Variants in AHCYL2 observed in about 807,000 individuals in gnomAD.
The protein encoded by AHCYL2 is S-adenosylhomocysteine hydrolase-like protein 2.
In AHCYL2, 28 loss-of-function variants were observed where a neutral mutation model predicts 81.4. The observed-to-expected ratio is 0.34, with a 90% CI of 0.25 to 0.47. AHCYL2 has a LOEUF of 0.47. Ranked by LOEUF, AHCYL2 falls within the 20% of genes least tolerant of loss-of-function variation. The probability of loss-of-function intolerance (pLI) is 1.00; values close to 1 mark genes in which losing one functional copy is unlikely to be tolerated. For missense variants in AHCYL2, 551 were observed against 785.1 expected, an observed-to-expected ratio of 0.70 and a Z score of 3.56; for synonymous variants, 272 against 290.2, an observed-to-expected ratio of 0.94 and a Z score of 0.64.
At chr7:129,403,259 A>G (rs1308467095) in intron 6 of AHCYL2, 120 bp from the exon 7 acceptor site, 3 of 589,744 alleles carry the variant, frequency 5.1e-6, no homozygotes, top group Non-Finnish European at 8.8e-6. Flanking sequence ...TTGCATAACC[A>G]TATGGGAAAT....
chr7:129,420,533 G>T (rs1024530474), intron 12 of AHCYL2, among the ~76,000 whole-genome samples: 2 of 145,222 alleles, frequency 1.4e-5, no homozygotes, highest in Non-Finnish European at 3.0e-5. Flanking sequence ...AGACTGGAGT[G>T]CAGTGGCACA....
At chr7:129,400,782 C>G (rs1209604295) in intron 6 of AHCYL2, among the ~76,000 whole-genome samples, 1 of 152,048 alleles carries the variant, frequency 6.6e-6, no homozygotes, top group Non-Finnish European at 1.5e-5. Flanking sequence ...TTAGCCTTCT[C>G]TCTAGAATCC....
In AHCYL2 at chr7:129,427,154, C is replaced by T; in HGVS notation, c.*109C>T. The T allele has an allele frequency of 8.9e-7, 1 of 1,120,818 alleles. No homozygotes were observed. Among genetic ancestry groups the T allele is most frequent in the African/African-American group, 1.6e-5 (1 of 63,876 alleles). The allele number at this position is 1,120,818 out of a possible 1,614,324, so 69.4% of individuals were successfully genotyped here. A position where few individuals can be genotyped will look rare whatever the true frequency, so the allele number is the denominator to read the frequency against. ...CTGCTTCTCCAATCAAAGCTGCCTG[C>T]CGTGCTCACCCTGTGTGTTAGGTTA... On this transcript the variant is annotated 3_prime_UTR_variant, in exon 17 of 17. Coordinates refer to ENST00000325006, the MANE Select transcript of AHCYL2 (RefSeq NM_015328.4). The surrounding 1 kb of genome is among the most constrained non-coding windows in gnomAD (Gnocchi z 5.5).
At chr7:129,401,224 G>A (rs931781171) in intron 6 of AHCYL2, among the ~76,000 whole-genome samples, 1 of 152,028 alleles carries the variant, frequency 6.6e-6, no homozygotes, top group Non-Finnish European at 1.5e-5. Flanking sequence ...TAGGAGGCTG[G>A]GACTCCTAAG....
At chr7:129,280,002 A>C (rs1796374088) in intron 1 of AHCYL2, among the ~76,000 whole-genome samples, 1 of 152,102 alleles carries the variant, frequency 6.6e-6, no homozygotes, top group Non-Finnish European at 1.5e-5. Flanking sequence ...CCTGTGACTA[A>C]GAATGCCTAG....
At chr7:129,229,618 G>C (rs761238408) in intron 1 of AHCYL2, among the ~76,000 whole-genome samples, 6 of 152,176 alleles carry the variant, frequency 3.9e-5, no homozygotes, top group Non-Finnish European at 8.8e-5. Flanking sequence ...TTCTCCCAGA[G>C]GTCTTTTAGA....
chr7:129,409,099 A>AC (rs1554495611), intron 10 of AHCYL2, among the ~76,000 whole-genome samples: 2,032 of 151,678 alleles, frequency 0.013, 43 homozygotes, highest in African/African-American at 0.047. Flanking sequence ...AAAAAAAAAA[A>AC]ACACACACAG....
At chr7:129,411,018 G>T (rs1030590457) in intron 11 of AHCYL2, among the ~76,000 whole-genome samples, 2 of 151,564 alleles carry the variant, frequency 1.3e-5, no homozygotes, top group Non-Finnish European at 2.9e-5. Flanking sequence ...TCCCACCTCT[G>T]CTTCCCAAAG....
chr7:129,231,332 A>G (rs1254670597), intron 1 of AHCYL2, among the ~76,000 whole-genome samples: 1 of 152,192 alleles, frequency 6.6e-6, no homozygotes, highest in East Asian at 1.9e-4. Context: ...TACTACTACT[A>G]GTACTACCTA....
intron 1 of AHCYL2, among the ~76,000 whole-genome samples, chr7:129,353,158 G>A: frequency 6.6e-6 from 1 of 151,978 alleles, no homozygotes. Context: ...GTGTTGGCCA[G>A]GCTGGTCTCG....
Position 129,379,765 on chromosome 7 carries a change from C to G in AHCYL2, c.475+16C>G. The stretch of plus-strand genomic sequence containing the variant: ...TACAGCTCAGGTGAGTACTGAACTG[C>G]TGTGGACCCAGCTGTTGAGGCTAAT... On this transcript the variant is annotated intron_variant, in intron 2 of 16. Coordinates refer to ENST00000325006, the MANE Select transcript of AHCYL2 (RefSeq NM_015328.4). The G allele has an allele frequency of 6.3e-7, 1 of 1,596,018 alleles. No individual in the cohort carries two copies. Among genetic ancestry groups the G allele is most frequent in the Non-Finnish European group, 8.6e-7 (1 of 1,166,854 alleles).
chr7:129,244,907 G>C (rs1794992346), intron 1 of AHCYL2, among the ~76,000 whole-genome samples: 2 of 151,988 alleles, frequency 1.3e-5, no homozygotes. Flanking sequence ...TTGATATTTT[G>C]GTTGGGCAAG....
chr7:129,362,963 G>C (rs1451807471), intron 1 of AHCYL2, among the ~76,000 whole-genome samples: 1 of 151,898 alleles, frequency 6.6e-6, no homozygotes, highest in East Asian at 1.9e-4. Context: ...TTCCCCTTTG[G>C]CCCTAAGCAC....
At chr7:129,373,580 A>C (rs1271046966) in intron 1 of AHCYL2, among the ~76,000 whole-genome samples, 1 of 151,870 alleles carries the variant, frequency 6.6e-6, no homozygotes, top group African/African-American at 2.4e-5. Context: ...AGCCTGGGTG[A>C]CAGACCAAGA....
intron 1 of AHCYL2, among the ~76,000 whole-genome samples, chr7:129,279,652 A>C (rs1796358351): frequency 6.6e-6 from 1 of 152,200 alleles, no homozygotes; most frequent in Non-Finnish European, 1.5e-5. Flanking sequence ...AGCAGCCCTG[A>C]GTGCTGCTGG....
intron 1 of AHCYL2, among the ~76,000 whole-genome samples, chr7:129,333,658 T>C (rs1039075351): frequency 1.1e-4 from 16 of 152,164 alleles, no homozygotes; most frequent in Non-Finnish European, 2.1e-4. Flanking sequence ...CTCAGGAAAC[T>C]TTGGAAGTCA....
intron 1 of AHCYL2, among the ~76,000 whole-genome samples, chr7:129,370,373 G>A (rs569716850): frequency 6.8e-6 from 1 of 146,842 alleles, no homozygotes; most frequent in African/African-American, 2.5e-5. Flanking sequence ...CAGCTCTTTA[G>A]TGTTGTGTCT....
intron 1 of AHCYL2, among the ~76,000 whole-genome samples, chr7:129,343,380 T>C (rs12533541): frequency 0.87 from 133,060 of 152,126 alleles, 58,551 homozygotes; most frequent in East Asian, 0.98. Flanking sequence ...GGAATTAAAT[T>C]GTCATGCTGA....
At chr7:129,375,764 G>C (rs1329848457) in intron 1 of AHCYL2, 1 of 1,502,272 alleles carries the variant, frequency 6.7e-7, no homozygotes, top group African/African-American at 1.4e-5. Flanking sequence ...AGCCCAAAAA[G>C]CTGGCTGGAA....
Sources: allele counts gnomAD v4.1 joint callset (sites outside exome capture counted in the v4.1 genomes callset), GRCh38; gene constraint gnomAD v4.1.1; non-coding constraint Gnocchi (gnomAD v3.1); transcripts MANE v1.5; gene names NCBI Gene and HGNC (gene_info 2026-07-23, HGNC 2026-07-21).